GALNT18: variants seen among roughly 807,000 people sequenced by gnomAD.
GALNT18 encodes the protein GalNAc-transferase 18.
GALNT18 carries 44 observed loss-of-function variants against 69.5 expected under a neutral mutation model. The ratio of observed to expected loss-of-function variants is 0.63; its 90% CI spans 0.50 to 0.81. The LOEUF (loss-of-function observed/expected upper bound fraction) is 0.81, where lower values mean the gene tolerates loss of function less well. Ranked by LOEUF, GALNT18 falls within the 40% of genes least tolerant of loss-of-function variation. GALNT18 has a pLI of 0.00. For synonymous variants in GALNT18, 364 were observed against 318.2 expected (o/e 1.14, Z -1.53); for missense variants, 715 against 810.0 (o/e 0.88, Z 1.42).
rs1857048370 is a variant in GALNT18 at position 11,505,243 on chromosome 11, A to G, written c.236-56307T>C. ...TCCAGGCAACTGGTTGTTTATAGCC[A>G]GTGTCTGCTATGATTAGTCATGGAT... is the stretch of plus-strand genomic sequence containing the variant. On this transcript the variant is annotated intron_variant, in intron 1 of 10. Coordinates refer to ENST00000227756, the MANE Select transcript of GALNT18 (RefSeq NM_198516.3). This position sits in a 1 kb window ranked among gnomAD's most constrained non-coding sequence, Gnocchi z 4.6. Among the ~76,000 whole-genome samples, 2 of 152,240 alleles carry G rather than the reference A, an allele frequency of 1.3e-5. No individual in the cohort carries two copies. The highest frequency in any genetic ancestry group is 1.3e-4 in the Admixed American group (2 of 15,290).
intron 1 of GALNT18, among the ~76,000 whole-genome samples, chr11:11,531,501 G>C (rs186089161): frequency 6.6e-6 from 1 of 152,224 alleles, no homozygotes; most frequent in African/African-American, 2.4e-5. Flanking sequence ...CTCTGTGCCC[G>C]GGAAGGAGGC....
At chr11:11,499,115 G>A (rs1856925609) in intron 1 of GALNT18, among the ~76,000 whole-genome samples, 1 of 152,192 alleles carries the variant, frequency 6.6e-6, no homozygotes, top group Non-Finnish European at 1.5e-5. Context: ...TGGTCACTCA[G>A]CAAACTGATA....
chr11:11,551,020 C>G (rs1046704111), intron 1 of GALNT18, among the ~76,000 whole-genome samples: 3 of 149,538 alleles, frequency 2.0e-5, no homozygotes, highest in African/African-American at 7.4e-5. Context: ...GAACATCACT[C>G]TGAAGCAGTC....
rs1158120984 is a variant in GALNT18 at position 11,480,674 on chromosome 11, A to G, written c.236-31738T>C. On this transcript the variant is annotated intron_variant, in intron 1 of 10. Coordinates refer to ENST00000227756, the MANE Select transcript of GALNT18 (RefSeq NM_198516.3). This position sits in a 1 kb window ranked among gnomAD's most constrained non-coding sequence, Gnocchi z 4.6. ...CACTGAGAGCAGAGAAGTGACATTG[A>G]GAGGCTGGCTTCAGCCTCCAGAGTC... Among the ~76,000 whole-genome samples the G allele has an allele frequency of 1.3e-5, 2 of 152,182 alleles. No individual in the cohort carries two copies. Among genetic ancestry groups the G allele is most frequent in the African/African-American group, 4.8e-5 (2 of 41,440 alleles).
At position 11,463,578 on chromosome 11, in the gene GALNT18, C is replaced by T. The variant is rs944448132; in HGVS notation, c.236-14642G>A. 6.6e-5 allele frequency among the ~76,000 whole-genome samples: 10 copies of T among 152,152 alleles called. No homozygotes were observed. In the East Asian group the frequency reaches 9.7e-4, roughly 15 times the overall value. ...TCCCAGCAGCTGTCGGCTCACTGGACGTCTTTTCATTACTGTCCTAAGTCG... is the reference window on the plus strand; with the variant it reads ...TCCCAGCAGCTGTCGGCTCACTGGATGTCTTTTCATTACTGTCCTAAGTCG... On this transcript the variant is annotated intron_variant, in intron 1 of 10. Transcript: ENST00000227756. This position sits in a 1 kb window ranked among gnomAD's most constrained non-coding sequence, Gnocchi z 4.2.
chr11:11,394,519 G>A (rs1382093669), intron 3 of GALNT18, among the ~76,000 whole-genome samples: 2 of 152,186 alleles, frequency 1.3e-5, no homozygotes, highest in Non-Finnish European at 2.9e-5. Context: ...ATGTCAGGAA[G>A]AACTTTTCAT....
intron 1 of GALNT18, among the ~76,000 whole-genome samples, chr11:11,504,619 A>G (rs1031407830): frequency 1.3e-5 from 2 of 152,008 alleles, no homozygotes; most frequent in Admixed American, 6.6e-5. Flanking sequence ...TTAGCCAGGC[A>G]TGGTGGTATG....
chr11:11,399,115 G>C (rs1368740213), intron 3 of GALNT18, among the ~76,000 whole-genome samples: 1 of 152,174 alleles, frequency 6.6e-6, no homozygotes, highest in Non-Finnish European at 1.5e-5. Context: ...GAATTCATGT[G>C]GTCATGAATG....
Position 11,606,520 on chromosome 11 carries a change from A to G in GALNT18, c.235+14839T>C, listed in dbSNP as rs1859759769. Among the ~76,000 whole-genome samples the G allele has an allele frequency of 6.6e-6, 1 of 152,012 alleles. No individual in the cohort carries two copies. The highest frequency in any genetic ancestry group is 1.5e-5 in the Non-Finnish European group (1 of 68,020). ...AAATATCTGCCCCTCCTCTATCCGA[A>G]TCATCACTCTGGTTTGAGGGGCTGA... On this transcript the variant is annotated intron_variant, in intron 1 of 10. Transcript: ENST00000227756. The surrounding 1 kb of genome is among the most constrained non-coding windows in gnomAD (Gnocchi z 5.4).
At chr11:11,472,998 A>G (rs1564966622) in intron 1 of GALNT18, among the ~76,000 whole-genome samples, 1 of 152,014 alleles carries the variant, frequency 6.6e-6, no homozygotes, top group Admixed American at 6.6e-5. Flanking sequence ...TCTCAAAAAA[A>G]TAAATAAATA....
At chr11:11,359,536 T>A (rs866878239) in intron 6 of GALNT18, among the ~76,000 whole-genome samples, 6 of 152,174 alleles carry the variant, frequency 3.9e-5, no homozygotes, top group African/African-American at 1.4e-4. Flanking sequence ...TAATCCCCCA[T>A]CTGTCTCCTT....
At position 11,436,529 on chromosome 11, in the gene GALNT18, C is replaced by T. The variant is rs1855406439; in HGVS notation, c.429-3742G>A. Among the ~76,000 whole-genome samples the T allele has an allele frequency of 6.6e-6, 1 of 152,160 alleles. No individual in the cohort carries two copies. Among genetic ancestry groups the T allele is most frequent in the South Asian group, 2.1e-4 (1 of 4,828 alleles). On this transcript the variant is annotated intron_variant, in intron 2 of 10. Transcript: ENST00000227756. This position sits in a 1 kb window ranked among gnomAD's most constrained non-coding sequence, Gnocchi z 4.5. ...CACAGACTGGCCTTGCTCACAGCCTCCTGCCCACTGCCTCACACCATGATG... is the reference window on the plus strand; with the variant it reads ...CACAGACTGGCCTTGCTCACAGCCTTCTGCCCACTGCCTCACACCATGATG...
At chr11:11,364,561 A>C (rs944516606) in intron 6 of GALNT18, among the ~76,000 whole-genome samples, 6 of 89,942 alleles carry the variant, frequency 6.7e-5, no homozygotes, top group African/African-American at 1.9e-4. Flanking sequence ...GAGGGGGGGA[A>C]AAAGAGATGG....
chr11:11,271,619 C>A (rs954182258), intron 10 of GALNT18, among the ~76,000 whole-genome samples: 21 of 59,458 alleles, frequency 3.5e-4, no homozygotes, highest in East Asian at 1.8e-3. Flanking sequence ...TGGGTCCTTT[C>A]TCTGAAAAGC....
chr11:11,555,153 A>G lies in GALNT18; in HGVS notation c.235+66206T>C, dbSNP rs955965220. On this transcript the variant is annotated intron_variant, in intron 1 of 10. Coordinates refer to ENST00000227756, the MANE Select transcript of GALNT18 (RefSeq NM_198516.3). This position sits in a 1 kb window ranked among gnomAD's most constrained non-coding sequence, Gnocchi z 4.7. ...TCGGGACTTGAACTAAGGACTCTGA[A>G]TGATGAGTCCTGCTCAGGATCCCTG... is the stretch of plus-strand genomic sequence containing the variant. Among the ~76,000 whole-genome samples, 1 of 152,346 alleles carries G rather than the reference A, an allele frequency of 6.6e-6. No homozygotes were observed. Among genetic ancestry groups the G allele is most frequent in the South Asian group, 2.1e-4 (1 of 4,832 alleles).
intron 5 of GALNT18, among the ~76,000 whole-genome samples, chr11:11,375,788 T>C (rs775365747): frequency 5.3e-5 from 8 of 152,194 alleles, no homozygotes; most frequent in Non-Finnish European, 1.0e-4. Flanking sequence ...AACACAAAAT[T>C]GTGGCAGGGG....
At chr11:11,588,953 T>C (rs79661871) in intron 1 of GALNT18, among the ~76,000 whole-genome samples, 3,691 of 152,282 alleles carry the variant, frequency 0.024, 158 homozygotes, top group African/African-American at 0.085. Flanking sequence ...GTCAGTTGCA[T>C]CAGCAAGCAG....
In GALNT18 at chr11:11,497,117, C is replaced by G. The variant is rs1374422499; in HGVS notation, c.236-48181G>C. Among the ~76,000 whole-genome samples, 3 of 152,070 alleles carry G rather than the reference C, an allele frequency of 2.0e-5. No homozygotes were observed. The highest frequency in any genetic ancestry group is 4.4e-5 in the Non-Finnish European group (3 of 68,022). On this transcript the variant is annotated intron_variant, in intron 1 of 10. Coordinates refer to ENST00000227756, the MANE Select transcript of GALNT18 (RefSeq NM_198516.3). The surrounding 1 kb of genome is among the most constrained non-coding windows in gnomAD (Gnocchi z 4.2). ...CCTGCTGTTTCTTCAGTATGGGATG[C>G]TGTGACCCAGGGCCAGACCCTTCTT...
chr11:11,580,746 G>C (rs1168189313), intron 1 of GALNT18, among the ~76,000 whole-genome samples: 2 of 152,222 alleles, frequency 1.3e-5, no homozygotes, highest in Non-Finnish European at 2.9e-5. Flanking sequence ...CCATAGCAGG[G>C]CTGCCTCCAT....
Sources: gnomAD v4.1 joint callset for allele counts (sites outside exome capture counted in the v4.1 genomes callset) on GRCh38, gnomAD v4.1.1 for gene constraint, Gnocchi (gnomAD v3.1) non-coding constraint, MANE v1.5 for transcripts, NCBI Gene and HGNC (gene_info 2026-07-23, HGNC 2026-07-21) for gene names.